The following KCNN2 variants were observed in gnomAD, a reference collection of about 807,000 sequenced individuals.
The protein encoded by KCNN2 is potassium calcium-activated channel subfamily N member 2.
KCNN2 carries 24 observed loss-of-function variants against 55.5 expected under a neutral mutation model. The ratio of observed to expected loss-of-function variants is 0.43; its 90% confidence interval spans 0.31 to 0.61. The LOEUF (loss-of-function observed/expected upper bound fraction) is 0.61, where lower values mean the gene tolerates loss of function less well. Among genes scored for constraint, KCNN2 ranks in the 20% least tolerant of loss-of-function variants. KCNN2 has a pLI of 0.08. For synonymous variants in KCNN2, 431 were observed against 336.1 expected (o/e 1.28, Z -3.09); for missense variants, 754 against 853.6 (o/e 0.88, Z 1.45).
Position 114,345,811 on chromosome 5 carries a change from C to T in KCNN2, c.-184-15134C>T, listed in dbSNP as rs192827526. Among the ~76,000 whole-genome samples the T allele has an allele frequency of 3.3e-5, 5 of 152,036 alleles. No individual in the cohort carries two copies. The East Asian group carries it at 5.8e-4, about 18-fold the overall frequency. On this transcript the variant is annotated intron_variant, in intron 2 of 10. Coordinates refer to the KCNN2 transcript ENST00000512097. ...TTTTATTTTTTTTGAGATGGAGTTT[C>T]GCTCTGTCACCCAGGCTGGACTGCA... is the stretch of plus-strand genomic sequence containing the variant.
intron 2 of KCNN2, among the ~76,000 whole-genome samples, chr5:114,226,960 T>C (rs896826593): frequency 1.3e-5 from 2 of 152,096 alleles, no homozygotes; most frequent in Non-Finnish European, 2.9e-5. Flanking sequence ...AGTATCTAAT[T>C]TTTGTGGATT....
At chr5:114,196,894 TTTG>T (rs1271037899) in intron 1 of KCNN2, among the ~76,000 whole-genome samples, 15 of 152,034 alleles carry the variant, frequency 9.9e-5, no homozygotes, top group African/African-American at 3.1e-4. Context: ...TTATGTTTAT[TTTG>T]TTCTTGTTTT....
At chr5:114,289,727 A>C (rs929059271) in intron 2 of KCNN2, among the ~76,000 whole-genome samples, 2 of 152,080 alleles carry the variant, frequency 1.3e-5, no homozygotes, top group Admixed American at 1.3e-4. Context: ...TTTTGATAGA[A>C]TTGCATTGAA....
intron 3 of KCNN2, among the ~76,000 whole-genome samples, chr5:114,438,252 G>T (rs1760079280): frequency 1.3e-5 from 2 of 152,110 alleles, no homozygotes; most frequent in South Asian, 2.1e-4. Context: ...ATAAAGGGAG[G>T]TTGAAAGTTT....
rs139439558 is a variant in KCNN2 at position 114,391,509 on chromosome 5, G to C, written c.1219-12929G>C. Among the ~76,000 whole-genome samples, 593 of 152,124 alleles carry C rather than the reference G, an allele frequency of 3.9e-3. 5 individuals are homozygous for C. The highest frequency in any genetic ancestry group is 0.012 in the African/African-American group (509 of 41,496). ...TTTCCGGCTCCAAAATGTTGTGTGT[G>C]TGTGTTTCCTGTGAGTCACACTACC... On this transcript the variant is annotated intron_variant, in intron 2 of 7. Coordinates refer to ENST00000673685, the MANE Select transcript of KCNN2 (RefSeq NM_021614.4).
At chr5:114,435,907 T>G (rs1005185714) in intron 3 of KCNN2, among the ~76,000 whole-genome samples, 34 of 152,260 alleles carry the variant, frequency 2.2e-4, no homozygotes, top group African/African-American at 8.0e-4. Flanking sequence ...AATGAGCATT[T>G]GGACTTTTAC....
chr5:114,067,740 G>T (rs546054583), intron 1 of KCNN2, among the ~76,000 whole-genome samples: 4 of 152,218 alleles, frequency 2.6e-5, no homozygotes, highest in Middle Eastern at 6.8e-3. Context: ...TCCTCCCACA[G>T]GGGTCTGTGT....
chr5:114,400,275 C>G (rs1758746664), intron 2 of KCNN2, among the ~76,000 whole-genome samples: 1 of 152,214 alleles, frequency 6.6e-6, no homozygotes, highest in Admixed American at 6.5e-5. Flanking sequence ...TCTCTTAACA[C>G]TGCTTTAGCT....
chr5:114,295,007 T>C (rs1352716447), intron 2 of KCNN2, among the ~76,000 whole-genome samples: 1 of 152,188 alleles, frequency 6.6e-6, no homozygotes, highest in Non-Finnish European at 1.5e-5. Context: ...CCTGCCTTTT[T>C]TTGTTTTCCA....
chr5:114,396,854 T>G (rs189536912), intron 2 of KCNN2, among the ~76,000 whole-genome samples: 1 of 152,166 alleles, frequency 6.6e-6, no homozygotes, highest in Non-Finnish European at 1.5e-5. Context: ...CTAGGTAGTC[T>G]TTTGATCTTC....
chr5:114,362,094 A>T lies in KCNN2; in HGVS notation c.-46A>T, dbSNP rs1757439531. The T allele has an allele frequency of 6.5e-6, 1 of 153,570 alleles. No homozygotes were observed. The highest frequency in any genetic ancestry group is 2.4e-5 in the African/African-American group (1 of 41,344). The allele number at this position is 153,570 out of a possible 1,614,324, so 9.5% of individuals were successfully genotyped here. ...CGCTCCCGACCATAACGCATTGCGC[A>T]GGGTGCACCACCGCTTGGTCTCCCT... On this transcript the variant is annotated 5_prime_UTR_variant, in exon 1 of 8. Coordinates refer to ENST00000673685, the MANE Select transcript of KCNN2 (RefSeq NM_021614.4).
rs563345035 is a variant in KCNN2 at position 114,444,264 on chromosome 5, A to G, written c.1638-18785A>G. Among the ~76,000 whole-genome samples, 42 of 152,268 alleles carry G rather than the reference A, an allele frequency of 2.8e-4. 1 individual carries two copies. The South Asian group carries it at 8.5e-3, about 31-fold the overall frequency. ...CCTTAGCACAAGTAGTGGTAATTCC[A>G]GGTGCCATGGACCATACAGCAAGGG... is the stretch of plus-strand genomic sequence containing the variant. On this transcript the variant is annotated intron_variant, in intron 3 of 7. Coordinates refer to ENST00000673685, the MANE Select transcript of KCNN2 (RefSeq NM_021614.4).
intron 3 of KCNN2, among the ~76,000 whole-genome samples, chr5:114,432,770 C>T (rs542497427): frequency 7.6e-4 from 115 of 152,308 alleles, no homozygotes; most frequent in African/African-American, 2.5e-3. Flanking sequence ...AGGCCGCGCA[C>T]GCCGAGCAGC....
intron 2 of KCNN2, among the ~76,000 whole-genome samples, chr5:114,392,863 G>T (rs569897676): frequency 1.3e-5 from 2 of 150,502 alleles, no homozygotes; most frequent in African/African-American, 4.9e-5. Context: ...AAGGAAGGAG[G>T]CTTTTTTTTT....
At chr5:114,488,175 G>A (rs1393100055) in intron 6 of KCNN2, among the ~76,000 whole-genome samples, 5 of 152,132 alleles carry the variant, frequency 3.3e-5, no homozygotes, top group African/African-American at 1.2e-4. Flanking sequence ...TGCTTAAATA[G>A]ATATCACTGA....
intron 1 of KCNN2, among the ~76,000 whole-genome samples, chr5:114,095,322 C>T (rs941898968): frequency 1.3e-5 from 2 of 152,144 alleles, no homozygotes; most frequent in Non-Finnish European, 2.9e-5. Context: ...TGTGCCTTAT[C>T]TCTTTTAAAC....
At chr5:114,409,235 G>C (rs761154789) in intron 3 of KCNN2, among the ~76,000 whole-genome samples, 14 of 152,210 alleles carry the variant, frequency 9.2e-5, no homozygotes, top group African/African-American at 1.7e-4. Context: ...TTATTAACCA[G>C]CATTGTGTTA....
At chr5:114,292,931 GTATTTTATTT>G (rs1755926546) in intron 2 of KCNN2, among the ~76,000 whole-genome samples, 1 of 152,126 alleles carries the variant, frequency 6.6e-6, no homozygotes. Context: ...GGATTCCTAG[GTATTTTATTT>G]TCTTTGAAGC....
At chr5:114,237,509 A>C (rs570644512) in intron 2 of KCNN2, among the ~76,000 whole-genome samples, 4 of 152,138 alleles carry the variant, frequency 2.6e-5, no homozygotes, top group Non-Finnish European at 5.9e-5. Context: ...TTGGTACCTG[A>C]AGGTGGAGAT....
Sources: allele counts gnomAD v4.1 joint callset (sites outside exome capture counted in the v4.1 genomes callset), GRCh38; gene constraint gnomAD v4.1.1; transcripts MANE v1.5; gene names NCBI Gene and HGNC (gene_info 2026-07-23, HGNC 2026-07-21).